Variants in DENND2B observed in about 807,000 individuals in gnomAD.
DENND2B encodes DENN domain containing 2B.
A neutral mutation model predicts 116.0 loss-of-function variants in DENND2B; 32 were observed. The observed-to-expected ratio is 0.28, with a 90% CI of 0.21 to 0.37. The LOEUF is 0.37. Among genes scored for constraint, DENND2B ranks in the 10% least tolerant of loss-of-function variants. DENND2B has a pLI of 1.00. For synonymous variants in DENND2B, 588 were observed against 583.9 expected (o/e 1.01, Z -0.10); for missense variants, 1,276 against 1,477.7 (o/e 0.86, Z 2.24).
At chr11:8,798,508 T>C (rs563600665) in intron 1 of DENND2B, among the ~76,000 whole-genome samples, 1 of 152,294 alleles carries the variant, frequency 6.6e-6, no homozygotes, top group South Asian at 2.1e-4. Flanking sequence ...CCCAGGAGGA[T>C]GGCACAGGTG....
intron 4 of DENND2B, among the ~76,000 whole-genome samples, chr11:8,829,443 G>A (rs7950491): frequency 0.2 from 30,009 of 151,976 alleles, 3,700 homozygotes; most frequent in Middle Eastern, 0.36. Context: ...GCCAGTCTCC[G>A]GGGAGCCCCA....
At chr11:8,722,597 G>A (rs2046376368) in intron 4 of DENND2B, among the ~76,000 whole-genome samples, 1 of 152,198 alleles carries the variant, frequency 6.6e-6, no homozygotes, top group Non-Finnish European at 1.5e-5. Flanking sequence ...TGTCCCCAGG[G>A]AAGGAAAAGG....
intron 1 of DENND2B, among the ~76,000 whole-genome samples, chr11:8,754,029 G>GCGCGCACACACACACACACACACA (rs146486674): frequency 1.4e-5 from 2 of 138,734 alleles, no homozygotes; most frequent in African/African-American, 5.5e-5. Context: ...CCAAAAGCGC[G>GCGCGCACACACACACACACACACA]CACACACACA....
At chr11:8,708,652 G>A (rs2043038974) in intron 11 of DENND2B, among the ~76,000 whole-genome samples, 1 of 152,110 alleles carries the variant, frequency 6.6e-6, no homozygotes, top group Non-Finnish European at 1.5e-5. Context: ...AGAAGAATGG[G>A]ACTTAAAAGG....
At chr11:8,858,320 G>T (rs2063267927) in intron 2 of DENND2B, among the ~76,000 whole-genome samples, 1 of 151,992 alleles carries the variant, frequency 6.6e-6, no homozygotes. Context: ...TATTTATTTG[G>T]GAAAGCAGAC....
intron 3 of DENND2B, among the ~76,000 whole-genome samples, chr11:8,850,885 A>T (rs1212479430): frequency 6.6e-6 from 1 of 152,226 alleles, no homozygotes; most frequent in African/African-American, 2.4e-5. Flanking sequence ...TACAACATGG[A>T]TGAACCTGAG....
chr11:8,793,507 T>C (rs2059561070), intron 1 of DENND2B, among the ~76,000 whole-genome samples: 2 of 152,270 alleles, frequency 1.3e-5, no homozygotes, highest in African/African-American at 4.8e-5. Flanking sequence ...CATTGTAGTA[T>C]GCATCAGAAC....
At chr11:8,820,146 T>C (rs1324423067) in intron 4 of DENND2B, among the ~76,000 whole-genome samples, 1 of 152,202 alleles carries the variant, frequency 6.6e-6, no homozygotes, top group Admixed American at 6.5e-5. Context: ...AGAATGAGAA[T>C]CACTGCTGTT....
intron 3 of DENND2B, among the ~76,000 whole-genome samples, chr11:8,854,338 A>G (rs2063121589): frequency 1.3e-5 from 2 of 152,082 alleles, no homozygotes; most frequent in South Asian, 4.2e-4. Context: ...AGTAGCTGAG[A>G]TTACAGGCGT....
chr11:8,866,849 T>C (rs2063597911), intron 2 of DENND2B, among the ~76,000 whole-genome samples: 1 of 152,188 alleles, frequency 6.6e-6, no homozygotes. Flanking sequence ...TCCTGACCCA[T>C]GTAGAGGTCC....
intron 4 of DENND2B, among the ~76,000 whole-genome samples, chr11:8,722,515 G>A (rs910374655): frequency 6.6e-6 from 1 of 152,174 alleles, no homozygotes; most frequent in Non-Finnish European, 1.5e-5. Flanking sequence ...AAGCAAGACG[G>A]GAAACTGCCA....
intron 1 of DENND2B, among the ~76,000 whole-genome samples, chr11:8,903,404 G>A (rs985771717): frequency 6.8e-6 from 1 of 146,764 alleles, no homozygotes; most frequent in African/African-American, 2.5e-5. Flanking sequence ...GTGACAGAGT[G>A]AGACTGTCTC....
chr11:8,806,605 A>AAAAAACACACACACACACACAC (rs372362474), intron 1 of DENND2B, among the ~76,000 whole-genome samples: 2 of 118,494 alleles, frequency 1.7e-5, no homozygotes, highest in African/African-American at 6.2e-5. Flanking sequence ...CTCCCTTCAA[A>AAAAAACACACACACACACACAC]ACACACACAC....
At chr11:8,718,395 A>AG (rs1471520708) in intron 4 of DENND2B, 2 of 1,535,090 alleles carry the variant, frequency 1.3e-6, no homozygotes, top group Admixed American at 2.0e-5. Flanking sequence ...ACAGAACCGT[A>AG]GGGAGCAGGG....
At chr11:8,844,939 G>T (rs2062759824) in intron 3 of DENND2B, among the ~76,000 whole-genome samples, 1 of 151,914 alleles carries the variant, frequency 6.6e-6, no homozygotes, top group African/African-American at 2.4e-5. Context: ...ACAGAGTCTT[G>T]CTTTGTTGCC....
At chr11:8,779,677 T>C (rs1318177297) in intron 1 of DENND2B, among the ~76,000 whole-genome samples, 3 of 151,946 alleles carry the variant, frequency 2.0e-5, no homozygotes, top group African/African-American at 4.8e-5. Flanking sequence ...CCACACCGGC[T>C]AATATTTTGT....
At chr11:8,812,692 G>C (rs1566005189), upstream of DENND2B, among the ~76,000 whole-genome samples, 1 of 152,182 alleles carries the variant, frequency 6.6e-6, no homozygotes, top group Non-Finnish European at 1.5e-5. Context: ...CAAGTCCCAT[G>C]ACTTCCCCCT....
chr11:8,781,960 A>C (rs1163568284), intron 1 of DENND2B, among the ~76,000 whole-genome samples: 1 of 152,218 alleles, frequency 6.6e-6, no homozygotes, highest in East Asian at 1.9e-4. Context: ...GGAAATGAAC[A>C]CTTATATACA....
At chr11:8,718,432 G>GA in intron 4 of DENND2B, 1 of 1,523,928 alleles carries the variant, frequency 6.6e-7, no homozygotes, top group Non-Finnish European at 8.8e-7. Context: ...TCTCACCTAC[G>GA]ATGCCGTTCA....
Sources: allele counts gnomAD v4.1 joint callset (sites outside exome capture counted in the v4.1 genomes callset), GRCh38; gene constraint gnomAD v4.1.1; transcripts MANE v1.5; gene names NCBI Gene and HGNC (gene_info 2026-07-23, HGNC 2026-07-21).